Variants in TENM3 observed in about 807,000 individuals in gnomAD.
TENM3 encodes teneurin transmembrane protein 3, also known as teneurin-3.
Under a neutral mutation model 255.1 loss-of-function variants are expected in TENM3, and 63 were observed. The ratio of observed to expected loss-of-function variants is 0.25; its 90% CI spans 0.20 to 0.30. TENM3 has a LOEUF of 0.30. Ranked by LOEUF, TENM3 falls within the 10% of genes least tolerant of loss-of-function variation. The probability of loss-of-function intolerance (pLI) is 1.00; values close to 1 mark genes in which losing one functional copy is unlikely to be tolerated. For synonymous variants in TENM3, 1,306 were observed against 1,322.3 expected (o/e 0.99, Z 0.27); for missense variants, 2,929 against 3,461.1 (o/e 0.85, Z 3.86).
intron 2 of TENM3, among the ~76,000 whole-genome samples, chr4:182,330,133 T>C (rs72698093): frequency 0.014 from 2,142 of 152,306 alleles, 39 homozygotes; most frequent in South Asian, 0.044. Context: ...AAGATTTCTT[T>C]TCCCATGCGT....
the TENM3 span, among the ~76,000 whole-genome samples, chr4:181,541,482 A>G: frequency 6.6e-6 from 1 of 152,198 alleles, no homozygotes; most frequent in African/African-American, 2.4e-5. Flanking sequence ...TCTGTTTCCT[A>G]CTGACTGATT....
At chr4:181,786,836 A>G in the TENM3 span, among the ~76,000 whole-genome samples, 1 of 152,094 alleles carries the variant, frequency 6.6e-6, no homozygotes, top group Non-Finnish European at 1.5e-5. Flanking sequence ...GCCTCTCAGC[A>G]TGTCAAAGTG....
intron 3 of TENM3, among the ~76,000 whole-genome samples, chr4:182,375,052 T>C (rs1767085796): frequency 6.6e-6 from 1 of 152,170 alleles, no homozygotes; most frequent in Non-Finnish European, 1.5e-5. Flanking sequence ...AGCCACTCTT[T>C]GCAGATCAAA....
intron 3 of TENM3, among the ~76,000 whole-genome samples, chr4:182,478,484 G>A (rs556860908): frequency 6.6e-6 from 1 of 151,726 alleles, no homozygotes; most frequent in East Asian, 1.9e-4. Flanking sequence ...CTGTAAAGAA[G>A]TGTGCCATAT....
At chr4:182,493,782 A>G (rs1411460191) in intron 3 of TENM3, among the ~76,000 whole-genome samples, 1 of 152,154 alleles carries the variant, frequency 6.6e-6, no homozygotes, top group Non-Finnish European at 1.5e-5. Flanking sequence ...CTTTAAACAA[A>G]TAGATATTGT....
At chr4:181,608,848 C>G in the TENM3 span, among the ~76,000 whole-genome samples, 2 of 152,146 alleles carry the variant, frequency 1.3e-5, no homozygotes, top group African/African-American at 4.8e-5. Flanking sequence ...CTTAGCATCT[C>G]TTCAAAAAGC....
the TENM3 span, among the ~76,000 whole-genome samples, chr4:181,718,251 G>A: frequency 0.054 from 8,165 of 152,208 alleles, 336 homozygotes; most frequent in Non-Finnish European, 0.075. Flanking sequence ...CTGTGACCTT[G>A]GAATTGGATC....
chr4:182,295,819 A>G lies in TENM3; in HGVS notation c.-75-28127A>G, dbSNP rs28485798. ...TTGACATCTGGATAACGCATTCACA[A>G]GGGAAGACATAACTGTTTACCACGT... On this transcript the variant is annotated intron_variant, in intron 1 of 27. Coordinates refer to ENST00000511685, the MANE Select transcript of TENM3 (RefSeq NM_001080477.4). 6.0e-3 allele frequency among the ~76,000 whole-genome samples: 909 copies of G among 152,330 alleles called. 10 individuals are homozygous for G. The highest frequency in any genetic ancestry group is 0.02 in the African/African-American group (837 of 41,580).
the TENM3 span, among the ~76,000 whole-genome samples, chr4:181,746,234 C>G: frequency 4.6e-5 from 7 of 152,090 alleles, no homozygotes; most frequent in Non-Finnish European, 8.8e-5. Context: ...ATGAACAAAT[C>G]TAGACTGCAA....
intron 1 of TENM3, among the ~76,000 whole-genome samples, chr4:182,253,359 G>A (rs1758160685): frequency 6.6e-6 from 1 of 152,180 alleles, no homozygotes; most frequent in African/African-American, 2.4e-5. Context: ...TGTAATCCCA[G>A]CTACTTGGGA....
chr4:181,891,045 T>A, the TENM3 span, among the ~76,000 whole-genome samples: 1 of 152,182 alleles, frequency 6.6e-6, no homozygotes, highest in Non-Finnish European at 1.5e-5. Flanking sequence ...GGCTTTCTCT[T>A]TTGAAGGCAT....
chr4:182,246,203 C>T (rs1312186663), intron 1 of TENM3, among the ~76,000 whole-genome samples: 1 of 152,174 alleles, frequency 6.6e-6, no homozygotes, highest in Non-Finnish European at 1.5e-5. Flanking sequence ...CACTAATTAT[C>T]TAACCCCGGG....
chr4:181,967,722 C>A, the TENM3 span, among the ~76,000 whole-genome samples: 1 of 152,058 alleles, frequency 6.6e-6, no homozygotes, highest in African/African-American at 2.4e-5. Context: ...CAAACTCAAA[C>A]CCCTGAGATT....
At chr4:182,608,100 AG>A (rs1244707639) in intron 4 of TENM3, among the ~76,000 whole-genome samples, 3 of 152,304 alleles carry the variant, frequency 2.0e-5, no homozygotes, top group Non-Finnish European at 4.4e-5. Context: ...TGTCTGTAAA[AG>A]TATGTCTCAG....
chr4:181,950,328 G>A, the TENM3 span, among the ~76,000 whole-genome samples: 4 of 151,544 alleles, frequency 2.6e-5, no homozygotes, highest in Admixed American at 6.6e-5. Context: ...GTCCCTTTTC[G>A]GACTCAGCCC....
chr4:181,548,709 A>C, the TENM3 span, among the ~76,000 whole-genome samples: 5 of 152,190 alleles, frequency 3.3e-5, no homozygotes, highest in East Asian at 9.7e-4. Context: ...GAACATTAAT[A>C]AACAGACATA....
chr4:181,497,516 C>T, the TENM3 span, among the ~76,000 whole-genome samples: 61 of 152,022 alleles, frequency 4.0e-4, 1 homozygote, highest in African/African-American at 1.4e-3. Flanking sequence ...GCTGCAACCA[C>T]GTGTAATCGA....
the TENM3 span, among the ~76,000 whole-genome samples, chr4:181,639,478 G>A: frequency 6.6e-6 from 1 of 152,098 alleles, no homozygotes; most frequent in African/African-American, 2.4e-5. Context: ...GGTGGCTCAC[G>A]CCTGTAATCC....
chr4:181,849,474 A>C, the TENM3 span, among the ~76,000 whole-genome samples: 1 of 152,346 alleles, frequency 6.6e-6, no homozygotes, highest in East Asian at 1.9e-4. Flanking sequence ...GTTGTCTTTA[A>C]AAAAATCTCT....
Sources: gnomAD v4.1 joint callset for allele counts (sites outside exome capture counted in the v4.1 genomes callset) on GRCh38, gnomAD v4.1.1 for gene constraint, MANE v1.5 for transcripts, NCBI Gene and HGNC (gene_info 2026-07-23, HGNC 2026-07-21) for gene names.